The following SGSM2 variants were observed in gnomAD, a reference collection of about 807,000 sequenced individuals.
The protein encoded by SGSM2 is small G protein signaling modulator 2.
In SGSM2, 89 loss-of-function variants were observed where a neutral mutation model predicts 126.6. The observed-to-expected ratio is 0.70, with a 90% confidence interval of 0.59 to 0.84. SGSM2 has a LOEUF of 0.84. Among genes scored for constraint, SGSM2 ranks in the 40% least tolerant of loss-of-function variants. The pLI is 0.00. For synonymous variants in SGSM2, 614 were observed against 574.3 expected (o/e 1.07, Z -0.99); for missense variants, 1,404 against 1,416.6 (o/e 0.99, Z 0.14).
chr17:2,341,330 C>G (rs2064359704), intron 1 of SGSM2, among the ~76,000 whole-genome samples: 1 of 152,170 alleles, frequency 6.6e-6, no homozygotes, highest in African/African-American at 2.4e-5. Context: ...TTTGGTCAGC[C>G]TGATCCTCCC....
In SGSM2 at chr17:2,379,923, A is replaced by G; in HGVS notation, c.*403A>G. 7.7e-7 allele frequency: 1 copy of G among 1,303,960 alleles called. No individual in the cohort carries two copies. The highest frequency in any genetic ancestry group is 9.8e-7 in the Non-Finnish European group (1 of 1,022,114). 80.8% of individuals were successfully genotyped at this position (1,303,960 alleles called of 1,614,324 possible). ...CTCAGCTGGGGTGGCAGAGGGCGAGAGGCTCTGTGCTGTGTCCCTTCTGAG... is the reference window on the plus strand; with the variant it reads ...CTCAGCTGGGGTGGCAGAGGGCGAGGGGCTCTGTGCTGTGTCCCTTCTGAG... On this transcript the variant is annotated 3_prime_UTR_variant, in exon 24 of 24. Coordinates refer to ENST00000268989, the MANE Select transcript of SGSM2 (RefSeq NM_014853.3).
rs2065947828 is a variant in SGSM2 at position 2,372,990 on chromosome 17, A to G, written c.1826A>G (p.Tyr609Cys). 3 of 1,585,630 alleles carry G rather than the reference A, an allele frequency of 1.9e-6. No individual in the cohort carries two copies. Among genetic ancestry groups the G allele is most frequent in the Admixed American group, 1.8e-5 (1 of 55,560 alleles). ...KELELLRQVY[Y>C]GGIEHEIRKD... ...CTGGAGCTGCTGCGGCAAGTTTACTACGGAGGCATAGAGCACGAGATCCGC... is the reference window on the plus strand; with the variant it reads ...CTGGAGCTGCTGCGGCAAGTTTACTGCGGAGGCATAGAGCACGAGATCCGC... Residue 609 changes from tyrosine (Y) to cysteine (C), a missense_variant, in exon 16 of 24, where the codon TAC (tyrosine) becomes TGC (cysteine). Transcript: ENST00000268989. The surrounding 1 kb of genome is among the most constrained non-coding windows in gnomAD (Gnocchi z 6.0).
chr17:2,340,589 CTTT>C (rs1394935973), intron 1 of SGSM2, among the ~76,000 whole-genome samples: 1 of 141,848 alleles, frequency 7.0e-6, no homozygotes. Context: ...TGTTTGATTT[CTTT>C]TTTTTTTTTT....
rs748012236 is a variant in SGSM2 at position 2,337,912 on chromosome 17, G to A, written c.57+167G>A. Among the ~76,000 whole-genome samples the A allele has an allele frequency of 8.8e-4, 134 of 152,028 alleles. 1 individual carries two copies. Among genetic ancestry groups the A allele is most frequent in the South Asian group, 2.5e-3 (12 of 4,828 alleles). On this transcript the variant is annotated intron_variant, in intron 1 of 23. Coordinates refer to ENST00000268989, the MANE Select transcript of SGSM2 (RefSeq NM_014853.3). The surrounding 1 kb of genome is among the most constrained non-coding windows in gnomAD (Gnocchi z 5.1). ...TCCTTCCCCTTTCTCGGATGGGGGA[G>A]GGCAGCGCCCCTCTGCCCGGGGGAC...
intron 2 of SGSM2, among the ~76,000 whole-genome samples, chr17:2,352,841 G>A (rs946911710): frequency 2.5e-5 from 3 of 119,648 alleles, no homozygotes; most frequent in Non-Finnish European, 1.7e-5. Context: ...GCAGTGGCGC[G>A]ATCTCGGCTC....
chr17:2,362,910 G>A lies in SGSM2; in HGVS notation c.526+5G>A. On this transcript the variant is annotated splice_donor_5th_base_variant and intron_variant, in intron 5 of 23. Transcript: ENST00000268989. The surrounding 1 kb of genome is among the most constrained non-coding windows in gnomAD (Gnocchi z 4.9). ...CGATCCTGGCCTCTCTTCTAGGTGA[G>A]CCTGAGAGCACAGGCACAGTGGGTA... is the stretch of plus-strand genomic sequence containing the variant. The A allele has an allele frequency of 1.2e-6, 2 of 1,614,202 alleles. No homozygotes were observed. The highest frequency in any genetic ancestry group is 1.7e-6 in the Non-Finnish European group (2 of 1,180,048).
intron 21 of SGSM2, chr17:2,377,579 G>A (rs2066234979): frequency 6.8e-6 from 2 of 295,392 alleles, no homozygotes; most frequent in Middle Eastern, 1.0e-3. Flanking sequence ...CTGGCGAACA[G>A]TAGGGGTTGC....
chr17:2,357,717 C>T (rs867627458), intron 2 of SGSM2, among the ~76,000 whole-genome samples: 1 of 152,118 alleles, frequency 6.6e-6, no homozygotes, highest in Non-Finnish European at 1.5e-5. Flanking sequence ...AGGCTGATCT[C>T]GAACTCCTGA....
At chr17:2,375,364 G>GT (rs763853519) in intron 17 of SGSM2, 128 bp from the exon 18 acceptor site, 61 of 1,235,478 alleles carry the variant, frequency 4.9e-5, no homozygotes, top group African/African-American at 4.5e-4. Flanking sequence ...TGGCCACAGT[G>GT]TTGGAGGCTG....
intron 17 of SGSM2, 134 bp downstream of exon 17, chr17:2,373,647 C>G (rs1316650020): frequency 1.4e-6 from 1 of 727,320 alleles, no homozygotes; most frequent in Admixed American, 2.9e-5. Flanking sequence ...GCCTGTGTCT[C>G]ATTTTCTCCA....
Position 2,376,764 on chromosome 17 carries a change from G to A in SGSM2, c.2641G>A (p.Val881Met), listed in dbSNP as rs2066181371. The A allele has an allele frequency of 6.2e-7, 1 of 1,613,966 alleles. No individual in the cohort carries two copies. Among genetic ancestry groups the A allele is most frequent in the African/African-American group, 1.3e-5 (1 of 74,930 alleles). The change falls in exon 20 of 24, where the codon GTG becomes ATG. Residue 881 changes from valine to methionine, a missense_variant. Transcript: ENST00000268989. ...GTGGGAGCACCTGGACGTGGGCTAT[G>A]TGCAGGGCATGTGCGATCTGCTGGC... ...YVWEHLDVGY[V>M]QGMCDLLAPL...
rs765659955 is a variant in SGSM2, at chr17:2,375,761, C to T, written c.2370C>T (p.Pro790=). 1.4e-5 allele frequency: 22 copies of T among 1,601,346 alleles called. No individual in the cohort carries two copies. Among genetic ancestry groups the T allele is most frequent in the Non-Finnish European group, 1.7e-5 (20 of 1,172,538 alleles). ...GTGGGGAGGAAGGCTCCAGTGGGCCCGGCCCTGCAGCTCACACTTTGAGGG... is the reference window on the plus strand; with the variant it reads ...GTGGGGAGGAAGGCTCCAGTGGGCCTGGCCCTGCAGCTCACACTTTGAGGG... ...DGGGEEGSSG[P]GPAAHTLREP... The change falls in exon 18 of 24, where the codon CCC becomes CCT. Residue 790 remains proline, a synonymous_variant. Transcript: ENST00000268989.
chr17:2,378,909 TCAGCCC>T, intron 22 of SGSM2, 121 bp from the exon 23 acceptor site: 2 of 1,157,072 alleles, frequency 1.7e-6, no homozygotes, highest in Admixed American at 2.4e-5. Flanking sequence ...CCGGCCAGCA[TCAGCCC>T]CAGCCCCAGC....
In SGSM2 at chr17:2,373,830, C is replaced by T. The variant is rs552416742; in HGVS notation, c.2100+317C>T. The T allele has an allele frequency of 8.9e-6, 3 of 337,064 alleles. No homozygotes were observed. The South Asian group carries it at 1.3e-4, about 15-fold the overall frequency. The allele number at this position is 337,064 out of a possible 1,614,324, so 20.9% of individuals were successfully genotyped here. The stretch of plus-strand genomic sequence containing the variant: ...ACCTCAAAGCTAGCAACAGGCAGCG[C>T]TGGGTTCTAGTCCCAGATCCACTAC... On this transcript the variant is annotated intron_variant, in intron 17 of 23. Transcript: ENST00000268989.
Position 2,367,217 on chromosome 17 carries a change from C to G in SGSM2, c.1289-54C>G. The G allele has an allele frequency of 1.3e-6, 2 of 1,567,988 alleles. No individual in the cohort carries two copies. Among genetic ancestry groups the G allele is most frequent in the Non-Finnish European group, 1.7e-6 (2 of 1,156,100 alleles). On this transcript the variant is annotated intron_variant, in intron 11 of 23. Transcript: ENST00000268989. The surrounding 1 kb of genome is among the most constrained non-coding windows in gnomAD (Gnocchi z 4.0). ...ACTCCCCTTAAGGAGGGAGTCCGTC[C>G]TGCCCAGGGATGAGGGCCTCATGCC...
At position 2,361,787 on chromosome 17, in the gene SGSM2, A is replaced by G; in HGVS notation, c.284A>G (p.Gln95Arg). Residue 95 changes from glutamine (Q) to arginine (R), a missense_variant, in exon 3 of 24, where the codon CAA becomes CGA. By Grantham distance (43) the Gln-to-Arg change is conservative. Transcript: ENST00000268989. ...CACAAGGTACAGGAGCTGCAGCAAC[A>G]AGCAGAGGGCAGGTGAGCCCTGGGC... ...ICHKVQELQQ[Q>R]AEGRKPSGVS... is the part of the protein sequence containing the mutation. The G allele has an allele frequency of 6.2e-7, 1 of 1,607,888 alleles. No homozygotes were observed. The highest frequency in any genetic ancestry group is 1.1e-5 in the South Asian group (1 of 90,800).
In SGSM2 at chr17:2,372,520, C is replaced by T. The variant is rs757581913; in HGVS notation, c.1788+32C>T. On this transcript the variant is annotated intron_variant, in intron 15 of 23. Transcript: ENST00000268989. The surrounding 1 kb of genome is among the most constrained non-coding windows in gnomAD (Gnocchi z 6.0). ...ACCCTGGGGTTCCAGGGCCACAGGT[C>T]GAGGGGCTGGGGCGGGCAGGAGTGA... is the stretch of plus-strand genomic sequence containing the variant. 6.3e-5 allele frequency: 100 copies of T among 1,589,372 alleles called. No homozygotes were observed. The highest frequency in any genetic ancestry group is 5.1e-4 in the Middle Eastern group (3 of 5,854).
At chr17:2,347,295 A>T (rs942481276) in intron 2 of SGSM2, among the ~76,000 whole-genome samples, 11 of 151,868 alleles carry the variant, frequency 7.2e-5, no homozygotes, top group African/African-American at 2.4e-4. Flanking sequence ...TAGTAGAGAC[A>T]GGGGTTTCAC....
chr17:2,373,137 G>A (rs1241549895), intron 16 of SGSM2, 56 bp downstream of exon 16: 8 of 1,599,742 alleles, frequency 5.0e-6, no homozygotes, highest in South Asian at 1.1e-5. Context: ...GCCAGGGGAC[G>A]CCAGGGAGGG....
Sources: gnomAD v4.1 joint callset for allele counts (sites outside exome capture counted in the v4.1 genomes callset) on GRCh38, gnomAD v4.1.1 for gene constraint, Gnocchi (gnomAD v3.1) non-coding constraint, MANE v1.5 for transcripts, NCBI Gene and HGNC (gene_info 2026-07-23, HGNC 2026-07-21) for gene names.